TIMM23: variants seen among roughly 807,000 people sequenced by gnomAD.
The protein encoded by TIMM23 is mitochondrial import inner membrane translocase subunit Tim23.
Under a neutral mutation model 30.7 loss-of-function variants are expected in TIMM23, and 19 were observed. That is an observed-to-expected ratio of 0.62 (90% CI 0.43 to 0.91). TIMM23 has a LOEUF of 0.91. Among genes scored for constraint, TIMM23 ranks in the 40% least tolerant of loss-of-function variants. The pLI is 0.00. For synonymous variants in TIMM23, 78 were observed against 98.5 expected (o/e 0.79, Z 1.23); for missense variants, 202 against 269.2 (o/e 0.75, Z 1.75).
intron 3 of TIMM23, 26 bp from the exon 4 acceptor site, chr10:45,982,820 C>T: frequency 6.2e-7 from 1 of 1,613,342 alleles, no homozygotes. Context: ...CTGTCTTTAT[C>T]TGGGTGAATT....
chr10:45,975,166 G>A (rs1554912747), intron 1 of TIMM23, among the ~76,000 whole-genome samples: 1 of 152,154 alleles, frequency 6.6e-6, no homozygotes, highest in Non-Finnish European at 1.5e-5. Context: ...TTTGTAAATG[G>A]CCTGGACTAC....
chr10:45,999,431 GAA>G (rs1193660290), intron 6 of TIMM23, among the ~76,000 whole-genome samples: 4 of 152,116 alleles, frequency 2.6e-5, no homozygotes, highest in African/African-American at 9.7e-5. Context: ...ACAAAAGAGA[GAA>G]ATTTTAAAGC....
intron 6 of TIMM23, among the ~76,000 whole-genome samples, chr10:45,996,335 C>T (rs1307685969): frequency 6.8e-6 from 1 of 146,794 alleles, no homozygotes; most frequent in Admixed American, 6.7e-5. Context: ...GCACTCCAGC[C>T]TGGGCCACAG....
chr10:45,998,279 C>G (rs1838409285), intron 6 of TIMM23: 3 of 596,698 alleles, frequency 5.0e-6, no homozygotes, highest in Non-Finnish European at 6.3e-6. Context: ...CTAATCAACC[C>G]TATATCCCAC....
At chr10:45,997,850 G>A (rs1012613964) in intron 6 of TIMM23, among the ~76,000 whole-genome samples, 59 of 152,174 alleles carry the variant, frequency 3.9e-4, no homozygotes, top group African/African-American at 1.1e-3. Flanking sequence ...TAGCACAGCC[G>A]TGTGAATGTA....
At chr10:46,003,131 A>G in intron 6 of TIMM23, 72 bp from the exon 7 acceptor site, 1 of 1,261,022 alleles carries the variant, frequency 7.9e-7, no homozygotes, top group Non-Finnish European at 1.1e-6. Flanking sequence ...AGTACTTTTT[A>G]TTTAACCCTA....
chr10:46,002,562 T>A, intron 6 of TIMM23: 1 of 918,960 alleles, frequency 1.1e-6, no homozygotes, highest in Non-Finnish European at 1.3e-6. Flanking sequence ...TTGTTTACAT[T>A]ACAGACTTAA....
Position 46,002,810 on chromosome 10 carries a change from ATTTTTTTTTT to A in TIMM23, c.515-378_515-369del, listed in dbSNP as rs386371331. ...TAAAATGGTCTCTCCATTTCATAGT[ATTTTTTTTTT>A]TTTTTTTTTTTTTTGACGGAGTCTC... On this transcript the variant is annotated intron_variant, in intron 6 of 6. Coordinates refer to ENST00000580018, the MANE Select transcript of TIMM23 (RefSeq NM_006327.4). Among the ~76,000 whole-genome samples, 12 of 95,080 alleles carry A rather than the reference ATTTTTTTTTT, an allele frequency of 1.3e-4. No individual in the cohort carries two copies. In the South Asian group the frequency reaches 3.2e-3, roughly 25 times the overall value. The allele number at this position is 95,080 out of a possible 152,430, so 62.4% of individuals were successfully genotyped here. A position where few individuals can be genotyped will look rare whatever the true frequency, so the allele number is the denominator to read the frequency against.
chr10:46,000,873 A>T (rs782082325), intron 6 of TIMM23, among the ~76,000 whole-genome samples: 2 of 152,242 alleles, frequency 1.3e-5, no homozygotes, highest in African/African-American at 2.4e-5. Flanking sequence ...TTCCACTGAC[A>T]AACAGCAGTG....
chr10:45,994,574 G>A (rs1362672613), intron 6 of TIMM23, among the ~76,000 whole-genome samples: 2 of 115,144 alleles, frequency 1.7e-5, no homozygotes, highest in Non-Finnish European at 3.6e-5. Context: ...CAAGATGCTA[G>A]GACTACAGGC....
In TIMM23 at chr10:45,996,128, A is replaced by G. The variant is rs587775450; in HGVS notation, c.515-7075A>G. Among the ~76,000 whole-genome samples the G allele has an allele frequency of 3.5e-3, 504 of 144,346 alleles. 12 individuals are homozygous for G. Among genetic ancestry groups the G allele is most frequent in the African/African-American group, 0.013 (477 of 36,504 alleles). The allele number at this position is 144,346 out of a possible 152,430, so 94.7% of individuals were successfully genotyped here. A position where few individuals can be genotyped will look rare whatever the true frequency, so the allele number is the denominator to read the frequency against. On this transcript the variant is annotated intron_variant, in intron 6 of 6. Coordinates refer to ENST00000580018, the MANE Select transcript of TIMM23 (RefSeq NM_006327.4). The stretch of plus-strand genomic sequence containing the variant: ...TGTAATCCCAGCACTTTGGGAGGCC[A>G]AGGCGGGAGGATCACAATGTCAGGA...
chr10:45,992,437 A>G, intron 6 of TIMM23: 1 of 456,022 alleles, frequency 2.2e-6, no homozygotes, highest in Non-Finnish European at 4.4e-6. Context: ...TTAACATCTC[A>G]ATATGCGTAG....
Position 45,972,503 on chromosome 10 carries a change from A to G in TIMM23, c.-122A>G. On this transcript the variant is annotated 5_prime_UTR_variant, in exon 1 of 7. Transcript: ENST00000580018. ...CGCTTAACGGGAACCGGCGCCCGGAAGGTCAGCGTGTGAAGTAGGCGCTGG... is the reference window on the plus strand; with the variant it reads ...CGCTTAACGGGAACCGGCGCCCGGAGGGTCAGCGTGTGAAGTAGGCGCTGG... 7.0e-7 allele frequency: 1 copy of G among 1,428,830 alleles called. No homozygotes were observed. The allele number at this position is 1,428,830 out of a possible 1,614,324, so 88.5% of individuals were successfully genotyped here. A position where few individuals can be genotyped will look rare whatever the true frequency, so the allele number is the denominator to read the frequency against.
rs1449483722 is a variant in TIMM23, at chr10:45,972,572, G to A, written c.-53G>A. On this transcript the variant is annotated 5_prime_UTR_variant, in exon 1 of 7. Transcript: ENST00000580018. The stretch of plus-strand genomic sequence containing the variant: ...TGTTATTGAGGAGTAACGGCCCAGC[G>A]GACCACCCAGGCTTGAGGCAGCGGC... 6.3e-7 allele frequency: 1 copy of A among 1,584,658 alleles called. No individual in the cohort carries two copies. Among genetic ancestry groups the A allele is most frequent in the Non-Finnish European group, 8.6e-7 (1 of 1,163,810 alleles).
chr10:45,980,739 G>C (rs10909663), intron 2 of TIMM23, among the ~76,000 whole-genome samples: 23 of 152,032 alleles, frequency 1.5e-4, no homozygotes, highest in African/African-American at 4.8e-4. Context: ...TTAACAAGAG[G>C]TTTTTAGTAA....
chr10:45,986,894 C>G (rs1280651534), intron 5 of TIMM23, among the ~76,000 whole-genome samples: 1 of 151,756 alleles, frequency 6.6e-6, no homozygotes, highest in South Asian at 2.1e-4. Context: ...AAATATTCTT[C>G]CTGAGACTTC....
At chr10:45,977,521 C>T in intron 2 of TIMM23, among the ~76,000 whole-genome samples, 1 of 152,034 alleles carries the variant, frequency 6.6e-6, no homozygotes, top group Non-Finnish European at 1.5e-5. Flanking sequence ...GAACCCTAAC[C>T]CTGCACCATA....
At chr10:45,989,721 C>G (rs1409438273) in intron 6 of TIMM23, among the ~76,000 whole-genome samples, 1 of 152,202 alleles carries the variant, frequency 6.6e-6, no homozygotes, top group African/African-American at 2.4e-5. Context: ...CCAGGAATGG[C>G]TTCCCTGTAA....
chr10:45,992,521 A>G (rs1838194278), intron 6 of TIMM23: 1 of 443,656 alleles, frequency 2.3e-6, no homozygotes, highest in African/African-American at 2.0e-5. Context: ...TGAGTAAATG[A>G]TTAGAAGGTA....
Sources: allele counts gnomAD v4.1 joint callset (sites outside exome capture counted in the v4.1 genomes callset), GRCh38; gene constraint gnomAD v4.1.1; transcripts MANE v1.5; gene names NCBI Gene and HGNC (gene_info 2026-07-23, HGNC 2026-07-21).